SULT1A1: variants seen among roughly 807,000 people sequenced by gnomAD.
SULT1A1 encodes sulfotransferase family 1A member 1, also known as sulfotransferase 1A1.
A neutral mutation model predicts 36.8 loss-of-function variants in SULT1A1; 35 were observed. The ratio of observed to expected loss-of-function variants is 0.95; its 90% CI spans 0.73 to 1.26. The LOEUF (loss-of-function observed/expected upper bound fraction) is 1.26. Ranked by LOEUF, SULT1A1 falls within the 50% of genes most tolerant of loss-of-function variation. The pLI is 0.00. For synonymous variants in SULT1A1, 119 were observed against 146.0 expected, an observed-to-expected ratio of 0.82 and a Z score of 1.33; for missense variants, 309 against 383.0, an observed-to-expected ratio of 0.81 and a Z score of 1.61.
At chr16:28,623,321 G>A (rs2047695957) in exon 1 of SULT1A1, 3 of 1,522,408 alleles carry the variant, frequency 2.0e-6, no homozygotes, top group African/African-American at 1.4e-5. Flanking sequence ...CGGCCTAGCG[G>A]CCCTGCAGCC....
chr16:28,623,277 A>G (rs767558915), exon 1 of SULT1A1: 1 of 1,542,006 alleles, frequency 6.5e-7, no homozygotes, highest in African/African-American at 1.4e-5. Context: ...GAAGGTCACC[A>G]CCAACGTGGC....
At chr16:28,609,073 C>A (rs1244725864) in intron 1 of SULT1A1, 1 of 1,448,492 alleles carries the variant, frequency 6.9e-7, no homozygotes, top group Non-Finnish European at 9.2e-7. Flanking sequence ...CATTCACCTG[C>A]GGAGCTGTTC....
chr16:28,606,958 G>T lies in SULT1A1; in HGVS notation c.492C>A (p.Val164=). The T allele has an allele frequency of 5.6e-6, 9 of 1,612,468 alleles. No individual in the cohort carries two copies. The highest frequency in any genetic ancestry group is 7.6e-6 in the Non-Finnish European group (9 of 1,178,696). Residue 164 remains valine, a synonymous_variant, in exon 5 of 8, where the codon GTC becomes GTA. Transcript: ENST00000314752. Reference sequence around the variant, plus strand: ...TCCTCCCATCAAACCCACCTTCTCCGACCATGAACTTCTCCAGGAAGCTGT... The same window carrying T: ...TCCTCCCATCAAACCCACCTTCTCCTACCATGAACTTCTCCAGGAAGCTGT... ...TWDSFLEKFM[V]GEVSYGSWYQ... is the part of the protein sequence containing the mutation.
chr16:28,610,264 G>GTTTTTTTTTTTTTT (rs538720119), upstream of SULT1A1: 420 of 349,382 alleles, frequency 1.2e-3, 4 homozygotes, highest in South Asian at 2.8e-3. Context: ...TTTTTTTTCT[G>GTTTTTTTTTTTTTT]TTTTTTTTTT....
At chr16:28,607,386 A>C in intron 4 of SULT1A1, 1 of 400,592 alleles carries the variant, frequency 2.5e-6, no homozygotes, top group Non-Finnish European at 4.6e-6. Context: ...GTGAGGACCC[A>C]CCCTCTAGCT....
chr16:28,620,293 C>T (rs376010059), intron 1 of SULT1A1, among the ~76,000 whole-genome samples: 3 of 151,836 alleles, frequency 2.0e-5, no homozygotes, highest in East Asian at 1.9e-4. Context: ...AGACAGGTGC[C>T]GTGGCTCAAG....
At chr16:28,616,431 C>T (rs1197083077) in intron 2 of SULT1A1, among the ~76,000 whole-genome samples, 4 of 152,104 alleles carry the variant, frequency 2.6e-5, no homozygotes, top group Non-Finnish European at 5.9e-5. Flanking sequence ...GGATTACAGG[C>T]GTGCGCCACC....
chr16:28,616,639 T>C (rs1258186260), intron 2 of SULT1A1, among the ~76,000 whole-genome samples: 2 of 152,054 alleles, frequency 1.3e-5, no homozygotes, highest in Non-Finnish European at 2.9e-5. Flanking sequence ...CCCAAGCTGG[T>C]CTCGAACTCC....
At chr16:28,621,040 G>T (rs1028171470) in intron 1 of SULT1A1, among the ~76,000 whole-genome samples, 4 of 152,106 alleles carry the variant, frequency 2.6e-5, no homozygotes, top group African/African-American at 9.6e-5. Context: ...AACCCAGAAA[G>T]TGGAGGTTGC....
exon 2 of SULT1A1, chr16:28,620,120 G>C: frequency 6.2e-7 from 1 of 1,612,970 alleles, no homozygotes; most frequent in South Asian, 1.1e-5. Flanking sequence ...CCTTTCCCTG[G>C]AGAATGCTCA....
exon 1 of SULT1A1, chr16:28,623,217 G>C: frequency 1.9e-6 from 3 of 1,544,936 alleles, no homozygotes; most frequent in South Asian, 1.2e-5. Flanking sequence ...CGCTCGGCCC[G>C]GGAGCGCGCG....
At position 28,606,842 on chromosome 16, in the gene SULT1A1, G is replaced by C. The variant is rs1306163933; in HGVS notation, c.513C>G (p.Ser171=). The C allele has an allele frequency of 1.2e-6, 2 of 1,612,534 alleles. No homozygotes were observed. The highest frequency in any genetic ancestry group is 3.3e-5 in the Admixed American group (2 of 59,928). The part of the protein sequence containing the change: ...KFMVGEVSYG[S]WYQHVQEWWE... ...ACCACTCCTGCACGTGCTGGTACCA[G>C]GATCCGTAGGACACTGGAGAAGCAG... The change falls in exon 6 of 8, where the codon TCC becomes TCG. Residue 171 remains serine, a synonymous_variant. Transcript: ENST00000314752.
At chr16:28,615,618 C>T (rs533927870) in intron 2 of SULT1A1, among the ~76,000 whole-genome samples, 1 of 152,204 alleles carries the variant, frequency 6.6e-6, no homozygotes, top group South Asian at 2.1e-4. Flanking sequence ...GCACGGCCAA[C>T]ACAGGAAGCC....
chr16:28,607,756 C>T lies in SULT1A1; in HGVS notation c.372+535G>A, dbSNP rs540103316. 2.6e-5 allele frequency: 4 copies of T among 151,862 alleles called. No homozygotes were observed. In the East Asian group the frequency reaches 7.7e-4, roughly 29 times the overall value. 9.4% of individuals were successfully genotyped at this position (151,862 alleles called of 1,614,324 possible). ...AATAACTCACTGCAACCTTGACCTTCCAGGCTCAAGCAATCCTCCAACCTC... is the reference window on the plus strand; with the variant it reads ...AATAACTCACTGCAACCTTGACCTTTCAGGCTCAAGCAATCCTCCAACCTC... On this transcript the variant is annotated intron_variant, in intron 4 of 7. Coordinates refer to ENST00000314752, the MANE Select transcript of SULT1A1 (RefSeq NM_001055.4).
chr16:28,610,086 G>A (rs758762275), upstream of SULT1A1: 16 of 1,284,930 alleles, frequency 1.2e-5, no homozygotes, highest in East Asian at 1.1e-4. Context: ...ATTTGCTTCC[G>A]GAAGGAAGGG....
intron 1 of SULT1A1, among the ~76,000 whole-genome samples, chr16:28,622,782 C>T (rs1215464018): frequency 6.6e-6 from 1 of 152,140 alleles, no homozygotes; most frequent in East Asian, 1.9e-4. Context: ...TTTCAGGGGG[C>T]AAAGACCTCC....
At chr16:28,611,257 C>T (rs2047443193), upstream of SULT1A1, 1 of 152,130 alleles carries the variant, frequency 6.6e-6, no homozygotes, top group Non-Finnish European at 1.5e-5. Context: ...TCCCAGGCAG[C>T]AGTTTCACAT....
At chr16:28,610,514 CACTCCAGGCTCTG>C (rs1380198894), upstream of SULT1A1, 1 of 313,688 alleles carries the variant, frequency 3.2e-6, no homozygotes, top group Non-Finnish European at 6.2e-6. Flanking sequence ...GCAGCCCATG[CACTCCAGGCTCTG>C]ACCACAAGGC....
At chr16:28,623,191 C>T in exon 1 of SULT1A1, 1 of 1,545,966 alleles carries the variant, frequency 6.5e-7, no homozygotes, top group Non-Finnish European at 8.7e-7. Flanking sequence ...AGCAACTTGG[C>T]CAGCATGGCG....
Sources: allele counts gnomAD v4.1 joint callset (sites outside exome capture counted in the v4.1 genomes callset), GRCh38; gene constraint gnomAD v4.1.1; transcripts MANE v1.5; gene names NCBI Gene and HGNC (gene_info 2026-07-23, HGNC 2026-07-21).